The following CEP250 variants were observed in gnomAD, a reference collection of about 807,000 sequenced individuals.
CEP250 encodes the protein centrosomal protein 250.
CEP250 carries 242 observed loss-of-function variants against 315.7 expected under a neutral mutation model. That is an observed-to-expected ratio of 0.77 (90% CI 0.69 to 0.85). CEP250 has a LOEUF of 0.85. Among genes scored for constraint, CEP250 ranks in the 40% least tolerant of loss-of-function variants. CEP250 has a pLI of 0.00. For missense variants in CEP250, 2,515 were observed against 2,886.4 expected (o/e 0.87, Z 2.95); for synonymous variants, 1,088 against 1,175.0 (o/e 0.93, Z 1.51).
chr20:35,509,385 T>C (rs2064290901), intron 33 of CEP250, among the ~76,000 whole-genome samples: 1 of 152,210 alleles, frequency 6.6e-6, no homozygotes, highest in Admixed American at 6.5e-5. Context: ...TGCCAGCTCC[T>C]GAGGAGCCTA....
chr20:35,502,989 C>T lies in CEP250; in HGVS notation c.4620C>T (p.Ser1540=), dbSNP rs767547469. The T allele has an allele frequency of 2.0e-5, 32 of 1,613,924 alleles. No homozygotes were observed. In the Admixed American group the frequency reaches 2.2e-4, roughly 11 times the overall value. Residue 1540 remains serine (S), a synonymous_variant, in exon 30 of 35, where the codon TCC becomes TCT. Coordinates refer to ENST00000397527, the MANE Select transcript of CEP250 (RefSeq NM_007186.6). ...ELEKKDQMIE[S]QRGQVQDLKK... Reference sequence around the variant, plus strand: ...AGAAGAAAGACCAAATGATTGAGTCCCAGAGAGGACAGGTTCAGGACCTGA... The same window carrying T: ...AGAAGAAAGACCAAATGATTGAGTCTCAGAGAGGACAGGTTCAGGACCTGA...
In CEP250 at chr20:35,457,749, A is replaced by T. The variant is rs1017277972; in HGVS notation, c.-297-555A>T. 2.6e-5 allele frequency among the ~76,000 whole-genome samples: 4 copies of T among 152,168 alleles called. No individual in the cohort carries two copies. In the East Asian group the frequency reaches 7.7e-4, roughly 29 times the overall value. On this transcript the variant is annotated intron_variant, in intron 1 of 34. Coordinates refer to ENST00000397527, the MANE Select transcript of CEP250 (RefSeq NM_007186.6). Reference sequence around the variant, plus strand: ...GGGAGGCAGAGGTTGCAGTGAGCTGAGATCATGCCAGTGCACTACAGCCTG... The same window carrying T: ...GGGAGGCAGAGGTTGCAGTGAGCTGTGATCATGCCAGTGCACTACAGCCTG...
chr20:35,500,969 G>C (rs1249939535), intron 28 of CEP250, among the ~76,000 whole-genome samples: 1 of 152,154 alleles, frequency 6.6e-6, no homozygotes, highest in Non-Finnish European at 1.5e-5. Context: ...TGCATCTTTT[G>C]TCATCCATGT....
In CEP250 at chr20:35,463,606, T is replaced by C. The variant is rs1601119288; in HGVS notation, c.218T>C (p.Leu73Pro). ...VLQYRSWCQE[L>P]EKRLEATGGP... ...CAGTACCGAAGCTGGTGCCAAGAGC[T>C]GGAGAAGCGGCTAGAAGCCACTGGA... The change falls in exon 5 of 35, where the codon CTG becomes CCG. Residue 73 changes from leucine to proline, a missense_variant. Leu to Pro is a moderately conservative substitution (Grantham distance 98). Coordinates refer to ENST00000397527, the MANE Select transcript of CEP250 (RefSeq NM_007186.6). 6.2e-7 allele frequency: 1 copy of C among 1,609,746 alleles called. No individual in the cohort carries two copies. Among genetic ancestry groups the C allele is most frequent in the East Asian group, 2.2e-5 (1 of 44,450 alleles).
chr20:35,511,366 G>A lies in CEP250; in HGVS notation c.7069G>A (p.Val2357Ile). The stretch of plus-strand genomic sequence containing the variant: ...TTTTTTTTTTCCTGCCCACCAGGTG[G>A]TCCTGCTGCAAGCTCAGCTGACTTT... Reference protein sequence around the residue: ...KCVAELQKEVVLLQAQLTLER... With the variant: ...KCVAELQKEVILLQAQLTLER... Residue 2357 changes from valine to isoleucine, a missense_variant, in exon 35 of 35, where the codon GTC becomes ATC. By Grantham distance (29) the Val-to-Ile change is conservative. Coordinates refer to ENST00000397527, the MANE Select transcript of CEP250 (RefSeq NM_007186.6). 2 of 1,599,354 alleles carry A rather than the reference G, an allele frequency of 1.3e-6. No homozygotes were observed. The highest frequency in any genetic ancestry group is 1.7e-6 in the Non-Finnish European group (2 of 1,170,936).
intron 3 of CEP250, among the ~76,000 whole-genome samples, chr20:35,460,909 A>C (rs2062740906): frequency 6.6e-6 from 1 of 152,198 alleles, no homozygotes; most frequent in African/African-American, 2.4e-5. Context: ...CCTTTGAGGT[A>C]CTCATGGATT....
At position 35,498,586 on chromosome 20, in the gene CEP250, T is replaced by C. The variant is rs1206465755; in HGVS notation, c.3656-9T>C. On this transcript the variant is annotated splice_polypyrimidine_tract_variant and intron_variant, in intron 26 of 34. Transcript: ENST00000397527. ...CAGCCAGGTAAGGAGGTTTTCCTCA[T>C]TTTTTCAGACCAGAATGGAGCTAGG... 1 of 1,605,028 alleles carries C rather than the reference T, an allele frequency of 6.2e-7. No individual in the cohort carries two copies. Among genetic ancestry groups the C allele is most frequent in the Non-Finnish European group, 8.5e-7 (1 of 1,177,534 alleles).
intron 20 of CEP250, among the ~76,000 whole-genome samples, chr20:35,485,752 G>A (rs1029742506): frequency 1.5e-5 from 2 of 132,982 alleles, no homozygotes; most frequent in East Asian, 2.5e-4. Context: ...TCTACCTCAC[G>A]GGCTCAAGTG....
At chr20:35,505,928 C>G (rs6060442) in intron 30 of CEP250, among the ~76,000 whole-genome samples, 225 of 151,980 alleles carry the variant, frequency 1.5e-3, no homozygotes, top group African/African-American at 5.2e-3. Flanking sequence ...ATCAGACATA[C>G]AGCTCACAAA....
In CEP250 at chr20:35,504,521, T is replaced by A. The variant is rs2064126193; in HGVS notation, c.6152T>A (p.Leu2051Gln). 10 of 1,613,906 alleles carry A rather than the reference T, an allele frequency of 6.2e-6. No homozygotes were observed. Among genetic ancestry groups the A allele is most frequent in the Non-Finnish European group, 8.5e-6 (10 of 1,179,930 alleles). Residue 2051 changes from leucine (L) to glutamine (Q), a missense_variant, in exon 30 of 35, where the codon CTG (leucine) becomes CAG (glutamine). Coordinates refer to ENST00000397527, the MANE Select transcript of CEP250 (RefSeq NM_007186.6). ...QQALAQRDEE[L>Q]RHQQEREQLL... ...GCACTTGCCCAGAGGGATGAAGAGC[T>A]GAGACATCAGCAGGAACGGGAGCAG...
chr20:35,500,228 A>G (rs1428075799), intron 28 of CEP250, 59 bp downstream of exon 28: 1 of 1,600,728 alleles, frequency 6.2e-7, no homozygotes, highest in Non-Finnish European at 8.5e-7. Context: ...TGGGGAGCCC[A>G]GAAGTGGCAG....
intron 5 of CEP250, among the ~76,000 whole-genome samples, chr20:35,464,073 G>A (rs968409767): frequency 2.0e-5 from 3 of 152,140 alleles, no homozygotes; most frequent in African/African-American, 4.8e-5. Flanking sequence ...TCTCTCAGAG[G>A]AAGGAAAGAA....
At chr20:35,496,286 G>A (rs865776351) in intron 24 of CEP250, among the ~76,000 whole-genome samples, 3 of 151,914 alleles carry the variant, frequency 2.0e-5, no homozygotes, top group Admixed American at 6.6e-5. Context: ...GCAGTGAGCC[G>A]AGATCGTGCC....
At chr20:35,499,937 G>A in intron 27 of CEP250, 112 bp from the exon 28 acceptor site, 1 of 1,359,516 alleles carries the variant, frequency 7.4e-7, no homozygotes, top group African/African-American at 1.4e-5. Context: ...TCTGGGAGTA[G>A]GTCCACAATG....
At chr20:35,473,229 G>A in intron 12 of CEP250, 145 bp from the exon 13 acceptor site, 1 of 650,238 alleles carries the variant, frequency 1.5e-6, no homozygotes. Flanking sequence ...CTGATGGCCT[G>A]TCTTCTTGAA....
chr20:35,478,823 C>G (rs758237940), intron 17 of CEP250, among the ~76,000 whole-genome samples: 3 of 152,200 alleles, frequency 2.0e-5, no homozygotes, highest in Non-Finnish European at 4.4e-5. Flanking sequence ...AAATTTTTTT[C>G]CTGAGCCAAT....
At chr20:35,471,373 G>A (rs775774554) in intron 10 of CEP250, among the ~76,000 whole-genome samples, 16 of 152,200 alleles carry the variant, frequency 1.1e-4, no homozygotes, top group Middle Eastern at 3.2e-3. Flanking sequence ...TAGGAATGGG[G>A]GCTGGGTGTG....
chr20:35,470,784 A>G (rs1225387675), intron 10 of CEP250, among the ~76,000 whole-genome samples: 2 of 152,208 alleles, frequency 1.3e-5, no homozygotes, highest in East Asian at 3.8e-4. Flanking sequence ...TACATATTTA[A>G]TGTTTTCCAG....
chr20:35,509,758 C>T (rs1390509587), intron 33 of CEP250, among the ~76,000 whole-genome samples: 1 of 152,236 alleles, frequency 6.6e-6, no homozygotes, highest in Non-Finnish European at 1.5e-5. Flanking sequence ...AAGCAAATGC[C>T]ATCCAGGCCT....
Sources: gnomAD v4.1 joint callset for allele counts (sites outside exome capture counted in the v4.1 genomes callset) on GRCh38, gnomAD v4.1.1 for gene constraint, MANE v1.5 for transcripts, NCBI Gene and HGNC (gene_info 2026-07-23, HGNC 2026-07-21) for gene names.